HCK: variants seen among roughly 807,000 people sequenced by gnomAD.
HCK encodes tyrosine-protein kinase HCK.
HCK carries 40 observed loss-of-function variants against 70.4 expected under a neutral mutation model. The ratio of observed to expected loss-of-function variants is 0.57; its 90% CI spans 0.44 to 0.74. The LOEUF (loss-of-function observed/expected upper bound fraction) is 0.74. Ranked by LOEUF, HCK falls within the 30% of genes least tolerant of loss-of-function variation. The probability of loss-of-function intolerance (pLI) is 0.00; values close to 1 mark genes in which losing one functional copy is unlikely to be tolerated. For missense variants in HCK, 568 were observed against 697.2 expected (o/e 0.81, Z 2.09); for synonymous variants, 245 against 263.2 (o/e 0.93, Z 0.67).
intron 8 of HCK, among the ~76,000 whole-genome samples, chr20:32,085,970 T>A (rs1454776004): frequency 6.6e-6 from 1 of 152,198 alleles, no homozygotes; most frequent in African/African-American, 2.4e-5. Context: ...TGTATGTGTG[T>A]GACATAACCT....
At chr20:32,058,045 C>T (rs2045299856) in intron 1 of HCK, among the ~76,000 whole-genome samples, 1 of 152,172 alleles carries the variant, frequency 6.6e-6, no homozygotes, top group Non-Finnish European at 1.5e-5. Flanking sequence ...CCCTGAAATC[C>T]TTTGGCCCAG....
chr20:32,059,969 C>T (rs2045342318), intron 1 of HCK, among the ~76,000 whole-genome samples: 1 of 152,112 alleles, frequency 6.6e-6, no homozygotes, highest in Admixed American at 6.5e-5. Context: ...AGGATCAGCG[C>T]CTGTGTTACT....
chr20:32,054,003 T>A (rs1415221123), intron 1 of HCK, among the ~76,000 whole-genome samples: 1 of 152,084 alleles, frequency 6.6e-6, no homozygotes, highest in Admixed American at 6.6e-5. Context: ...GGTCCTTTTT[T>A]TTTTAGGGGA....
chr20:32,096,430 G>C (rs1298902695), intron 11 of HCK, among the ~76,000 whole-genome samples: 1 of 148,500 alleles, frequency 6.7e-6, no homozygotes, highest in African/African-American at 2.5e-5. Flanking sequence ...CCGGGAGGCA[G>C]AGGTTGCAGC....
chr20:32,099,982 C>T (rs1383427666), intron 12 of HCK, among the ~76,000 whole-genome samples: 2 of 151,488 alleles, frequency 1.3e-5, no homozygotes, highest in Non-Finnish European at 2.9e-5. Context: ...TCATGGCAGC[C>T]TCGACTTCCT....
chr20:32,091,342 C>T (rs1221779761), intron 10 of HCK, among the ~76,000 whole-genome samples: 1 of 152,218 alleles, frequency 6.6e-6, no homozygotes, highest in East Asian at 1.9e-4. Context: ...GAGCTCCAGC[C>T]CTGGCTCCGC....
At position 32,061,897 on chromosome 20, in the gene HCK, G is replaced by C. The variant is rs139992734; in HGVS notation, c.62+9411G>C. On this transcript the variant is annotated intron_variant, in intron 1 of 12. Coordinates refer to ENST00000375852, the MANE Select transcript of HCK (RefSeq NM_002110.5). ...TACTCCAAGTGAGACGGAAACCCTG[G>C]GTGGGGGTTGAGCAGAGAAGGAATG... Among the ~76,000 whole-genome samples the C allele has an allele frequency of 1.8e-3, 279 of 151,936 alleles. 3 individuals are homozygous for C. The highest frequency in any genetic ancestry group is 6.4e-3 in the African/African-American group (265 of 41,406).
At chr20:32,052,581 G>A in intron 1 of HCK, 95 bp downstream of exon 1, 1 of 938,680 alleles carries the variant, frequency 1.1e-6, no homozygotes, top group Non-Finnish European at 1.4e-6. Flanking sequence ...CTGGCTACGG[G>A]TGCGGCTGGG....
intron 10 of HCK, among the ~76,000 whole-genome samples, chr20:32,088,882 C>T (rs1277399715): frequency 1.3e-5 from 2 of 151,992 alleles, no homozygotes; most frequent in Non-Finnish European, 2.9e-5. Context: ...TATAACAAAC[C>T]ATCCAAGTCC....
chr20:32,086,664 C>T lies in HCK; in HGVS notation c.872C>T (p.Thr291Met), dbSNP rs200178250. Reference sequence around the variant, plus strand: ...AAGCACACCAAGGTGGCAGTGAAGACGATGAAGCCAGGGAGCATGTCGGTG... The same window carrying T: ...AAGCACACCAAGGTGGCAGTGAAGATGATGAAGCCAGGGAGCATGTCGGTG... The change falls in exon 9 of 13, where the codon ACG becomes ATG. Residue 291 changes from threonine to methionine, a missense_variant. Thr to Met is a moderately conservative substitution (Grantham distance 81, BLOSUM62 -1). Coordinates refer to ENST00000375852, the MANE Select transcript of HCK (RefSeq NM_002110.5). 5.8e-4 allele frequency: 939 copies of T among 1,613,166 alleles called. No individual in the cohort carries two copies. Among genetic ancestry groups the T allele is most frequent in the Non-Finnish European group, 7.4e-4 (873 of 1,179,576 alleles).
At chr20:32,094,175 C>A (rs1367666894) in intron 11 of HCK, among the ~76,000 whole-genome samples, 159 bp downstream of exon 11, 2 of 152,196 alleles carry the variant, frequency 1.3e-5, no homozygotes, top group African/African-American at 4.8e-5. Context: ...ATGTCCTGAA[C>A]TTCAGAGTCT....
intron 5 of HCK, among the ~76,000 whole-genome samples, chr20:32,076,326 CA>C (rs201319909): frequency 8.2e-4 from 123 of 149,900 alleles, no homozygotes; most frequent in African/African-American, 2.8e-3. Flanking sequence ...GATACTCTGT[CA>C]AAAAAAAACA....
intron 6 of HCK, among the ~76,000 whole-genome samples, chr20:32,083,010 G>T (rs1237172774): frequency 6.6e-6 from 1 of 152,096 alleles, no homozygotes; most frequent in African/African-American, 2.4e-5. Flanking sequence ...GACCTCACTG[G>T]GCTCAAGATG....
chr20:32,086,164 C>T lies in HCK; in HGVS notation c.836-464C>T, dbSNP rs1238296587. On this transcript the variant is annotated intron_variant, in intron 8 of 12. Transcript: ENST00000375852. Reference sequence around the variant, plus strand: ...CCTCCCCAGTAGCTGGGACTACAGGCGCCCACAACTGCGCCTGGCTAATTT... The same window carrying T: ...CCTCCCCAGTAGCTGGGACTACAGGTGCCCACAACTGCGCCTGGCTAATTT... Among the ~76,000 whole-genome samples the T allele has an allele frequency of 4.6e-5, 7 of 152,246 alleles. No homozygotes were observed. In the East Asian group the frequency reaches 5.8e-4, roughly 13 times the overall value.
In HCK at chr20:32,101,573, C is replaced by A. The variant is rs1481564770; in HGVS notation, c.*54C>A. The A allele has an allele frequency of 8.8e-6, 13 of 1,476,118 alleles. No homozygotes were observed. Among genetic ancestry groups the A allele is most frequent in the Admixed American group, 3.9e-5 (2 of 50,990 alleles). 91.4% of individuals were successfully genotyped at this position (1,476,118 alleles called of 1,614,324 possible). On this transcript the variant is annotated 3_prime_UTR_variant, in exon 13 of 13. Transcript: ENST00000375852. Reference sequence around the variant, plus strand: ...TGCCCAGGTGGTGGCTGCAAGGTGGCTCCAGCACCATCCGCCAGGGCCCAC... The same window carrying A: ...TGCCCAGGTGGTGGCTGCAAGGTGGATCCAGCACCATCCGCCAGGGCCCAC...
intron 1 of HCK, among the ~76,000 whole-genome samples, chr20:32,061,213 A>G (rs1194036332): frequency 6.6e-6 from 1 of 152,106 alleles, no homozygotes. Context: ...TGAACTCCTG[A>G]CCTTGTGATT....
At chr20:32,099,498 C>T (rs1292452365) in intron 12 of HCK, among the ~76,000 whole-genome samples, 5 of 151,866 alleles carry the variant, frequency 3.3e-5, no homozygotes, top group Non-Finnish European at 5.9e-5. Flanking sequence ...ACTGGGATTA[C>T]AAGCATCCAC....
At chr20:32,093,070 G>C (rs771451299) in intron 10 of HCK, among the ~76,000 whole-genome samples, 10 of 152,020 alleles carry the variant, frequency 6.6e-5, no homozygotes, top group Non-Finnish European at 1.2e-4. Context: ...TCAACCTCCT[G>C]AGCAGATGGG....
chr20:32,094,094 G>A (rs771533097), intron 11 of HCK, 78 bp downstream of exon 11: 59 of 1,408,262 alleles, frequency 4.2e-5, no homozygotes, highest in Non-Finnish European at 5.2e-5. Context: ...TTGTGAGAGC[G>A]ATTGGTAAAA....
Sources: allele counts gnomAD v4.1 joint callset (sites outside exome capture counted in the v4.1 genomes callset), GRCh38; gene constraint gnomAD v4.1.1; transcripts MANE v1.5; gene names NCBI Gene and HGNC (gene_info 2026-07-23, HGNC 2026-07-21).